RBFOX3: variants seen among roughly 807,000 people sequenced by gnomAD.
RBFOX3 encodes the protein RNA binding fox-1 homolog 3.
RBFOX3 carries 17 observed loss-of-function variants against 48.7 expected under a neutral mutation model. The ratio of observed to expected loss-of-function variants is 0.35; its 90% CI spans 0.24 to 0.52. The LOEUF (loss-of-function observed/expected upper bound fraction) is 0.52. Among genes scored for constraint, RBFOX3 ranks in the 20% least tolerant of loss-of-function variants. The pLI is 0.94. For synonymous variants in RBFOX3, 212 were observed against 209.5 expected (o/e 1.01, Z -0.10); for missense variants, 382 against 497.5 (o/e 0.77, Z 2.21).
rs8071386 is a variant in RBFOX3 at position 79,354,162 on chromosome 17, G to A, written c.-174-46338C>T. Among the ~76,000 whole-genome samples the A allele has an allele frequency of 6.2e-3, 951 of 152,210 alleles. 16 individuals carry two copies. The highest frequency in any genetic ancestry group is 0.022 in the African/African-American group (905 of 41,522). Reference sequence around the variant, plus strand: ...TCAATGGGTGAACTATACGGACAACGTCATTGTCACCCAGAGTCCAGGGCT... The same window carrying A: ...TCAATGGGTGAACTATACGGACAACATCATTGTCACCCAGAGTCCAGGGCT... On this transcript the variant is annotated intron_variant, in intron 2 of 14. Transcript: ENST00000693108.
chr17:79,566,257 C>T (rs1057141608), intron 1 of RBFOX3, among the ~76,000 whole-genome samples: 2 of 152,188 alleles, frequency 1.3e-5, no homozygotes, highest in Admixed American at 6.5e-5. Context: ...ATGAGCCCTC[C>T]CTTTGCGTAA....
At position 79,097,336 on chromosome 17, in the gene RBFOX3, T is replaced by G. The variant is rs2075525803; in HGVS notation, c.711A>C (p.Thr237=). The change falls in exon 11 of 15, where the codon ACA becomes ACC. Residue 237 remains threonine, a synonymous_variant. Transcript: ENST00000693108. ...GGGGTGGGGGTGGCGCAGCCCGAAATGTATTATACACGGCCCGGCCCCGGC... is the reference window on the plus strand; with the variant it reads ...GGGGTGGGGGTGGCGCAGCCCGAAAGGTATTATACACGGCCCGGCCCCGGC... ...LRGRGRAVYN[T]FRAAPPPPPI... 1 of 1,544,790 alleles carries G rather than the reference T, an allele frequency of 6.5e-7. No homozygotes were observed. Among genetic ancestry groups the G allele is most frequent in the Admixed American group, 2.0e-5 (1 of 50,682 alleles).
intron 1 of RBFOX3, among the ~76,000 whole-genome samples, chr17:79,546,850 A>T (rs2090510836): frequency 6.6e-6 from 1 of 151,720 alleles, no homozygotes; most frequent in Non-Finnish European, 1.5e-5. Context: ...TTGTATTTTT[A>T]GTAGAGGCGG....
chr17:79,161,121 T>C (rs2046895841), intron 4 of RBFOX3, among the ~76,000 whole-genome samples: 1 of 152,054 alleles, frequency 6.6e-6, no homozygotes, highest in Non-Finnish European at 1.5e-5. Flanking sequence ...CTGCAGATAA[T>C]CTGTAGCAGG....
intron 14 of RBFOX3, among the ~76,000 whole-genome samples, chr17:79,093,997 T>C (rs938103325): frequency 1.6e-4 from 25 of 151,928 alleles, no homozygotes; most frequent in Admixed American, 1.3e-4. Context: ...CCCTCTCGGA[T>C]GCGATGCGAG....
At chr17:79,114,605 G>C (rs548420346) in intron 5 of RBFOX3, among the ~76,000 whole-genome samples, 1 of 152,352 alleles carries the variant, frequency 6.6e-6, no homozygotes, top group East Asian at 1.9e-4. Flanking sequence ...AGTCGGGAGG[G>C]GGACCCCCAT....
the RBFOX3 span, among the ~76,000 whole-genome samples, chr17:79,630,164 C>T: frequency 0.84 from 127,337 of 151,926 alleles, 56,367 homozygotes; most frequent in Non-Finnish European, 0.97. Flanking sequence ...AAAGGACTGC[C>T]TCCTGATGAA....
chr17:79,401,207 G>A (rs1057117021), intron 2 of RBFOX3, among the ~76,000 whole-genome samples: 1 of 152,174 alleles, frequency 6.6e-6, no homozygotes, highest in African/African-American at 2.4e-5. Context: ...AGAACTTCGG[G>A]GCTCCGCGGT....
At chr17:79,176,584 G>A (rs935425909) in intron 4 of RBFOX3, among the ~76,000 whole-genome samples, 18 of 152,342 alleles carry the variant, frequency 1.2e-4, no homozygotes, top group Middle Eastern at 6.8e-3. Context: ...TTCTGGTCTC[G>A]AGTAATGCGA....
chr17:79,383,260 T>C (rs1679844260), intron 2 of RBFOX3, among the ~76,000 whole-genome samples: 1 of 152,314 alleles, frequency 6.6e-6, no homozygotes, highest in South Asian at 2.1e-4. Flanking sequence ...ACCCAGGTTG[T>C]CCGGCCTCTC....
In RBFOX3 at chr17:79,333,308, C is replaced by T. The variant is rs78943757; in HGVS notation, c.-174-25484G>A. Among the ~76,000 whole-genome samples, 1,423 of 152,258 alleles carry T rather than the reference C, an allele frequency of 9.3e-3. 29 individuals are homozygous for T. Among genetic ancestry groups the T allele is most frequent in the African/African-American group, 0.031 (1,286 of 41,536 alleles). ...ATTTTCATTAAAAGAAAAAAGTTGC[C>T]GAGCTGGCTTCTCCACACTGGCCTC... On this transcript the variant is annotated intron_variant, in intron 2 of 14. Transcript: ENST00000693108.
At chr17:79,133,763 G>A (rs1712312892) in intron 4 of RBFOX3, among the ~76,000 whole-genome samples, 1 of 152,208 alleles carries the variant, frequency 6.6e-6, no homozygotes, top group Non-Finnish European at 1.5e-5. Context: ...TACTCAGTGG[G>A]ATGGCAAGAA....
Position 79,421,103 on chromosome 17 carries a change from C to G in RBFOX3, c.-175+61351G>C, listed in dbSNP as rs1206322408. ...CCTGCTGGGTGAGCCTCCCCAGGTG[C>G]TGTCAAACATCAGTGCCAGGAAGAT... On this transcript the variant is annotated intron_variant, in intron 2 of 14. Coordinates refer to ENST00000693108, the MANE Select transcript of RBFOX3 (RefSeq NM_001350451.2). The surrounding 1 kb of genome is among the most constrained non-coding windows in gnomAD (Gnocchi z 4.5). Among the ~76,000 whole-genome samples, 2 of 152,152 alleles carry G rather than the reference C, an allele frequency of 1.3e-5. No individual in the cohort carries two copies. Among genetic ancestry groups the G allele is most frequent in the Non-Finnish European group, 2.9e-5 (2 of 68,030 alleles).
At chr17:79,129,932 C>G (rs1287906140) in intron 4 of RBFOX3, among the ~76,000 whole-genome samples, 1 of 152,164 alleles carries the variant, frequency 6.6e-6, no homozygotes, top group Non-Finnish European at 1.5e-5. Context: ...AGCAAGAGGT[C>G]TAGGGAGGCC....
intron 2 of RBFOX3, among the ~76,000 whole-genome samples, chr17:79,437,669 C>A (rs1011427141): frequency 3.3e-5 from 5 of 152,182 alleles, no homozygotes; most frequent in African/African-American, 1.2e-4. Flanking sequence ...CCTGGGCACC[C>A]CAGAGTCAGG....
intron 3 of RBFOX3, among the ~76,000 whole-genome samples, chr17:79,285,398 A>G (rs915973852): frequency 7.2e-5 from 11 of 152,364 alleles, no homozygotes; most frequent in Non-Finnish European, 1.2e-4. Flanking sequence ...GTTCATAACC[A>G]TATATTCCTG....
intron 4 of RBFOX3, among the ~76,000 whole-genome samples, chr17:79,167,482 G>A (rs9894427): frequency 0.14 from 21,390 of 152,150 alleles, 2,531 homozygotes; most frequent in African/African-American, 0.32. Flanking sequence ...TAGTGGGGCC[G>A]CATAATCCCC....
At chr17:79,577,329 G>A (rs1258008223) in intron 1 of RBFOX3, among the ~76,000 whole-genome samples, 3 of 152,174 alleles carry the variant, frequency 2.0e-5, no homozygotes, top group Non-Finnish European at 1.5e-5. Context: ...CATGAACGGG[G>A]CAAATGGCAC....
upstream of RBFOX3, among the ~76,000 whole-genome samples, chr17:79,612,576 T>C (rs2093977071): frequency 6.6e-6 from 1 of 152,240 alleles, no homozygotes; most frequent in Admixed American, 6.5e-5. Flanking sequence ...GTCTGGGTCA[T>C]TGATCTGTCT....
Sources: allele counts gnomAD v4.1 joint callset (sites outside exome capture counted in the v4.1 genomes callset), GRCh38; gene constraint gnomAD v4.1.1; non-coding constraint Gnocchi (gnomAD v3.1); transcripts MANE v1.5; gene names NCBI Gene and HGNC (gene_info 2026-07-23, HGNC 2026-07-21).